Variants in EPB41L2 observed in about 807,000 individuals in gnomAD.
EPB41L2 encodes band 4.1-like protein 2.
Under a neutral mutation model 113.0 loss-of-function variants are expected in EPB41L2, and 43 were observed. That is an observed-to-expected ratio of 0.38 (90% CI 0.30 to 0.49). The LOEUF is 0.49. EPB41L2 is among the 20% of genes least tolerant of loss of function. The pLI is 0.95. For synonymous variants in EPB41L2, 442 were observed against 436.7 expected (o/e 1.01, Z -0.15); for missense variants, 1,147 against 1,223.4 (o/e 0.94, Z 0.93).
chr6:131,010,146 T>C (rs1288208295), intron 1 of EPB41L2, among the ~76,000 whole-genome samples: 2 of 152,216 alleles, frequency 1.3e-5, no homozygotes, highest in African/African-American at 2.4e-5. Context: ...AGAGTTACTA[T>C]TTATTCTAAC....
At chr6:131,018,627 T>C (rs1188967530) in intron 1 of EPB41L2, among the ~76,000 whole-genome samples, 2 of 152,258 alleles carry the variant, frequency 1.3e-5, no homozygotes, top group Admixed American at 6.5e-5. Flanking sequence ...ACAATGCTTA[T>C]ATTTACTGCT....
At chr6:130,954,936 G>T (rs924864133) in intron 3 of EPB41L2, among the ~76,000 whole-genome samples, 169 bp downstream of exon 3, 1 of 152,164 alleles carries the variant, frequency 6.6e-6, no homozygotes, top group East Asian at 1.9e-4. Context: ...CTTATCCCAA[G>T]GTCATGAAAT....
At chr6:131,024,613 C>G (rs1208818292) in intron 1 of EPB41L2, among the ~76,000 whole-genome samples, 1 of 152,164 alleles carries the variant, frequency 6.6e-6, no homozygotes, top group South Asian at 2.1e-4. Context: ...GCTCTTTGAG[C>G]GCAAGGACCG....
intron 1 of EPB41L2, among the ~76,000 whole-genome samples, chr6:131,038,960 T>G (rs890999185): frequency 2.0e-5 from 3 of 152,112 alleles, no homozygotes; most frequent in Non-Finnish European, 4.4e-5. Flanking sequence ...AAAAGAAAAG[T>G]CAATTTACAA....
chr6:131,051,384 C>T (rs1044684478), intron 1 of EPB41L2, among the ~76,000 whole-genome samples: 1 of 150,426 alleles, frequency 6.6e-6, no homozygotes, highest in Non-Finnish European at 1.5e-5. Flanking sequence ...TTTCTGTTTC[C>T]TCCCACAACC....
At chr6:130,863,053 T>A (rs953166084) in intron 18 of EPB41L2, among the ~76,000 whole-genome samples, 5 of 152,236 alleles carry the variant, frequency 3.3e-5, no homozygotes, top group African/African-American at 1.2e-4. Context: ...ATTCATCACC[T>A]GCTCAAAGCC....
chr6:131,060,475 G>A (rs1356973811), intron 1 of EPB41L2, among the ~76,000 whole-genome samples: 1 of 152,214 alleles, frequency 6.6e-6, no homozygotes, highest in Non-Finnish European at 1.5e-5. Context: ...ACGTGGACAT[G>A]GTTCTGATTT....
intron 5 of EPB41L2, among the ~76,000 whole-genome samples, chr6:130,907,569 G>C (rs1482684384): frequency 6.6e-6 from 1 of 151,816 alleles, no homozygotes; most frequent in Non-Finnish European, 1.5e-5. Context: ...CAAATCAGGA[G>C]GTTGGTCACT....
At chr6:130,903,779 T>C (rs1320494452) in intron 6 of EPB41L2, among the ~76,000 whole-genome samples, 1 of 152,204 alleles carries the variant, frequency 6.6e-6, no homozygotes, top group Non-Finnish European at 1.5e-5. Context: ...ACTTGTTGAT[T>C]GATTCACAAT....
At chr6:130,994,644 C>T (rs1358673511) in intron 1 of EPB41L2, among the ~76,000 whole-genome samples, 2 of 152,150 alleles carry the variant, frequency 1.3e-5, no homozygotes. Flanking sequence ...ATATCTATGA[C>T]TACACTCACT....
intron 3 of EPB41L2, among the ~76,000 whole-genome samples, chr6:130,935,358 C>T (rs1374589563): frequency 6.6e-6 from 1 of 152,176 alleles, no homozygotes; most frequent in Non-Finnish European, 1.5e-5. Context: ...TTCATGAGCA[C>T]GATGCTTCCA....
chr6:130,889,969 C>A (rs1376104517), intron 11 of EPB41L2, among the ~76,000 whole-genome samples: 4 of 151,938 alleles, frequency 2.6e-5, no homozygotes, highest in Non-Finnish European at 5.9e-5. Context: ...TGAAATGCTC[C>A]AATAAGCATT....
At chr6:130,900,110 C>T (rs1795889221) in intron 7 of EPB41L2, among the ~76,000 whole-genome samples, 1 of 152,180 alleles carries the variant, frequency 6.6e-6, no homozygotes, top group South Asian at 2.1e-4. Context: ...GATCATGTCC[C>T]ATTAATTTTC....
chr6:131,020,949 C>A (rs981166806), intron 1 of EPB41L2, among the ~76,000 whole-genome samples: 59 of 152,266 alleles, frequency 3.9e-4, no homozygotes, highest in Middle Eastern at 6.8e-3. Context: ...GCCACCCCAC[C>A]AGGCTAATTT....
intron 17 of EPB41L2, 65 bp downstream of exon 17, chr6:130,865,471 C>CG: frequency 6.7e-7 from 1 of 1,493,670 alleles, no homozygotes; most frequent in African/African-American, 1.4e-5. Context: ...AAGAGAGAAA[C>CG]AATTCAGAAA....
At chr6:131,020,289 A>C (rs1789159207) in intron 1 of EPB41L2, among the ~76,000 whole-genome samples, 1 of 152,140 alleles carries the variant, frequency 6.6e-6, no homozygotes, top group Non-Finnish European at 1.5e-5. Context: ...ATATTTATGT[A>C]CATAAATTAT....
At chr6:130,983,194 A>T (rs1182734265) in intron 1 of EPB41L2, among the ~76,000 whole-genome samples, 1 of 152,254 alleles carries the variant, frequency 6.6e-6, no homozygotes, top group Non-Finnish European at 1.5e-5. Context: ...ACCGCAAATG[A>T]AAGTTGCAGA....
At chr6:130,998,773 T>C (rs969440700) in intron 1 of EPB41L2, among the ~76,000 whole-genome samples, 9 of 152,148 alleles carry the variant, frequency 5.9e-5, no homozygotes, top group Non-Finnish European at 1.2e-4. Context: ...GTTTCATAAA[T>C]TGTCAATCCT....
intron 1 of EPB41L2, among the ~76,000 whole-genome samples, chr6:130,979,253 T>C (rs1385202653): frequency 6.6e-6 from 1 of 151,942 alleles, no homozygotes; most frequent in Non-Finnish European, 1.5e-5. Context: ...TGGGAGGCTG[T>C]GGTGGGTTGA....
Sources: gnomAD v4.1 joint callset for allele counts (sites outside exome capture counted in the v4.1 genomes callset) on GRCh38, gnomAD v4.1.1 for gene constraint, MANE v1.5 for transcripts, NCBI Gene and HGNC (gene_info 2026-07-23, HGNC 2026-07-21) for gene names.